EXPH5: variants seen among roughly 807,000 people sequenced by gnomAD.
EXPH5 encodes the protein exophilin 5.
In EXPH5, 42 loss-of-function variants were observed where a neutral mutation model predicts 41.1. The ratio of observed to expected loss-of-function variants is 1.02; its 90% confidence interval spans 0.80 to 1.32. EXPH5 has a LOEUF of 1.32. Among genes scored for constraint, EXPH5 ranks in the 40% most tolerant of loss-of-function variants. The pLI, the probability that EXPH5 is intolerant of heterozygous loss-of-function variation, is 0.00. For missense variants in EXPH5, 2,298 were observed against 2,314.5 expected, an observed-to-expected ratio of 0.99 and a Z score of 0.15; for synonymous variants, 798 against 833.5, an observed-to-expected ratio of 0.96 and a Z score of 0.73.
At position 108,528,688 on chromosome 11, in the gene EXPH5, T is replaced by A. The variant is rs1211541348; in HGVS notation, c.444-504A>T. Among the ~76,000 whole-genome samples, 954 of 150,568 alleles carry A rather than the reference T, an allele frequency of 6.3e-3. 8 individuals are homozygous for A. Among genetic ancestry groups the A allele is most frequent in the African/African-American group, 0.022 (906 of 40,956 alleles). On this transcript the variant is annotated intron_variant, in intron 3 of 5. Coordinates refer to ENST00000265843, the MANE Select transcript of EXPH5 (RefSeq NM_015065.3). ...AGAGCCCTCTTTCTTTTCTTTTTTT[T>A]CTTTCCCTTTTTTTTTTTTTTTTTT...
intron 4 of EXPH5, among the ~76,000 whole-genome samples, chr11:108,521,649 C>T (rs1186423153): frequency 1.3e-5 from 2 of 152,192 alleles, no homozygotes; most frequent in South Asian, 2.1e-4. Flanking sequence ...TTTTACCCTA[C>T]ATCAAAGTGT....
chr11:108,536,933 A>G (rs2093883643), intron 3 of EXPH5, among the ~76,000 whole-genome samples: 1 of 152,214 alleles, frequency 6.6e-6, no homozygotes, highest in South Asian at 2.1e-4. Context: ...CAAGCCCTTG[A>G]CGGCTTCAGC....
chr11:108,589,302 A>G (rs2094121841), intron 1 of EXPH5, among the ~76,000 whole-genome samples: 2 of 152,306 alleles, frequency 1.3e-5, no homozygotes, highest in Non-Finnish European at 2.9e-5. Context: ...CAGATTTCAC[A>G]GGCTGGGAGA....
chr11:108,586,271 C>T (rs1001668289), intron 1 of EXPH5, among the ~76,000 whole-genome samples: 30 of 152,130 alleles, frequency 2.0e-4, no homozygotes, highest in Non-Finnish European at 3.4e-4. Context: ...TTTATACATA[C>T]GACAACCTGT....
chr11:108,584,298 A>G lies in EXPH5; in HGVS notation c.119+9120T>C, dbSNP rs540096787. Among the ~76,000 whole-genome samples the G allele has an allele frequency of 1.4e-4, 21 of 152,250 alleles. 1 individual carries two copies. The South Asian group carries it at 4.4e-3, about 32-fold the overall frequency. ...TGACACCAGCTTGGCCAACAGGGCG[A>G]AAACTTGTCTCTACTAAAAATAAAA... On this transcript the variant is annotated intron_variant, in intron 1 of 5. Transcript: ENST00000265843.
chr11:108,597,161 G>A (rs2094139988), upstream of EXPH5, among the ~76,000 whole-genome samples: 1 of 151,692 alleles, frequency 6.6e-6, no homozygotes. Context: ...GAGACATGCT[G>A]ATCACATCAC....
intron 1 of EXPH5, among the ~76,000 whole-genome samples, chr11:108,575,803 A>T (rs2094077727): frequency 6.6e-6 from 1 of 152,078 alleles, no homozygotes; most frequent in Non-Finnish European, 1.5e-5. Context: ...GCAAAAACCC[A>T]TCTCTACTAA....
Position 108,528,198 on chromosome 11 carries a change from T to C in EXPH5, c.444-14A>G. 6.3e-7 allele frequency: 1 copy of C among 1,599,498 alleles called. No individual in the cohort carries two copies. Among genetic ancestry groups the C allele is most frequent in the East Asian group, 2.2e-5 (1 of 44,814 alleles). Reference sequence around the variant, plus strand: ...TGGCCATCACATCTGTGGAAATAATTTGAAATGATTTCTTTGAAGAAGAGC... The same window carrying C: ...TGGCCATCACATCTGTGGAAATAATCTGAAATGATTTCTTTGAAGAAGAGC... On this transcript the variant is annotated splice_polypyrimidine_tract_variant and intron_variant, in intron 3 of 5. Transcript: ENST00000265843.
At chr11:108,593,803 C>A, upstream of EXPH5, 1 of 1,504,152 alleles carries the variant, frequency 6.6e-7, no homozygotes, top group Non-Finnish European at 8.9e-7. Flanking sequence ...CAATCCCGTT[C>A]CAAGGGGGCG....
intron 3 of EXPH5, among the ~76,000 whole-genome samples, chr11:108,538,608 T>C (rs2093894058): frequency 6.6e-6 from 1 of 152,146 alleles, no homozygotes; most frequent in South Asian, 2.1e-4. Flanking sequence ...TCTCATCTAG[T>C]CGTTACCCCA....
At chr11:108,570,787 C>T (rs2094056827) in intron 1 of EXPH5, among the ~76,000 whole-genome samples, 1 of 152,188 alleles carries the variant, frequency 6.6e-6, no homozygotes, top group Non-Finnish European at 1.5e-5. Context: ...TTCAAGTGAT[C>T]CTCCTACCTT....
intron 1 of EXPH5, among the ~76,000 whole-genome samples, chr11:108,554,525 T>C (rs2093981915): frequency 1.3e-5 from 2 of 152,142 alleles, no homozygotes; most frequent in Admixed American, 1.3e-4. Flanking sequence ...CATTGTGACC[T>C]GTGAAATGTG....
At position 108,511,368 on chromosome 11, in the gene EXPH5, T is replaced by G. The variant is rs1052424792; in HGVS notation, c.4139A>C (p.Glu1380Ala). ...CTTTTTGCCTCTTTCCTTCTTGTTTTCTGAATCACCTAGAGGTGTTTTAGC... is the reference window on the plus strand; with the variant it reads ...CTTTTTGCCTCTTTCCTTCTTGTTTGCTGAATCACCTAGAGGTGTTTTAGC... ...NLAKTPLGDS[E>A]NKKERGKKLQ... Residue 1380 changes from glutamate (E) to alanine (A), a missense_variant, in exon 6 of 6, where the codon GAA (glutamate) becomes GCA (alanine). Transcript: ENST00000265843. The G allele has an allele frequency of 3.2e-6, 5 of 1,584,588 alleles. No homozygotes were observed. Among genetic ancestry groups the G allele is most frequent in the Non-Finnish European group, 4.3e-6 (5 of 1,169,160 alleles).
rs535956451 is a variant in EXPH5, at chr11:108,557,984, C to A, written c.120-16172G>T. On this transcript the variant is annotated intron_variant, in intron 1 of 5. Transcript: ENST00000265843. The stretch of plus-strand genomic sequence containing the variant: ...TTGAGATGGAGTCTCACTCTGTCAC[C>A]CAGGCTGGGGTGCAGTGGCATAATC... Among the ~76,000 whole-genome samples the A allele has an allele frequency of 1.1e-4, 17 of 152,122 alleles. No homozygotes were observed. The East Asian group carries it at 2.9e-3, about 26-fold the overall frequency.
At position 108,515,661 on chromosome 11, in the gene EXPH5, T is replaced by C. The variant is rs371238596; in HGVS notation, c.632-786A>G. Among the ~76,000 whole-genome samples the C allele has an allele frequency of 3.9e-5, 6 of 152,296 alleles. No homozygotes were observed. In the East Asian group the frequency reaches 1.2e-3, roughly 29 times the overall value. ...TCTCATTCTATAATGAGGAAACTGATGCAAGAAGAGATTAAGCAAATTCCT... is the reference window on the plus strand; with the variant it reads ...TCTCATTCTATAATGAGGAAACTGACGCAAGAAGAGATTAAGCAAATTCCT... On this transcript the variant is annotated intron_variant, in intron 5 of 5. Transcript: ENST00000265843.
intron 4 of EXPH5, among the ~76,000 whole-genome samples, chr11:108,525,930 T>C (rs2093795612): frequency 6.6e-6 from 1 of 150,950 alleles, no homozygotes; most frequent in Admixed American, 6.6e-5. Flanking sequence ...TTTTTTTTTT[T>C]TTGAGACAGG....
chr11:108,519,849 G>A (rs554949692), intron 4 of EXPH5, among the ~76,000 whole-genome samples: 81 of 151,610 alleles, frequency 5.3e-4, no homozygotes, highest in Non-Finnish European at 9.1e-4. Context: ...ACCTGGGAGG[G>A]CTGAGGCAGG....
intron 1 of EXPH5, chr11:108,567,974 T>A (rs1489179486): frequency 6.6e-6 from 1 of 152,174 alleles, no homozygotes; most frequent in African/African-American, 2.4e-5. Context: ...CTTGAGTGAC[T>A]CTGGACAAGC....
intron 1 of EXPH5, among the ~76,000 whole-genome samples, chr11:108,565,977 A>G (rs1415274664): frequency 6.6e-6 from 1 of 152,140 alleles, no homozygotes; most frequent in East Asian, 1.9e-4. Flanking sequence ...TCAAGTGAGG[A>G]AAAAAAATCC....
Sources: gnomAD v4.1 joint callset for allele counts (sites outside exome capture counted in the v4.1 genomes callset) on GRCh38, gnomAD v4.1.1 for gene constraint, MANE v1.5 for transcripts, NCBI Gene and HGNC (gene_info 2026-07-23, HGNC 2026-07-21) for gene names.